GTF2A1: variants seen among roughly 807,000 people sequenced by gnomAD.
GTF2A1 encodes general transcription factor IIA subunit 1.
A neutral mutation model predicts 54.1 loss-of-function variants in GTF2A1; 12 were observed. The ratio of observed to expected loss-of-function variants is 0.22; its 90% CI spans 0.14 to 0.36. The LOEUF is 0.36. GTF2A1 is among the 10% of genes least tolerant of loss of function. The pLI, the probability that GTF2A1 is intolerant of heterozygous loss-of-function variation, is 1.00. For synonymous variants in GTF2A1, 145 were observed against 152.0 expected (o/e 0.95, Z 0.34); for missense variants, 335 against 442.2 (o/e 0.76, Z 2.17).
At position 81,215,761 on chromosome 14, in the gene GTF2A1, C is replaced by A. The variant is rs79881568; in HGVS notation, c.132+652G>T. Among the ~76,000 whole-genome samples, 9 of 152,216 alleles carry A rather than the reference C, an allele frequency of 5.9e-5. No homozygotes were observed. The South Asian group carries it at 1.9e-3, about 32-fold the overall frequency. ...AAAAAAAGATAAGATTAAGGCTGGGCGCTGTGGCTCACACCCATAATCCTA... is the reference window on the plus strand; with the variant it reads ...AAAAAAAGATAAGATTAAGGCTGGGAGCTGTGGCTCACACCCATAATCCTA... On this transcript the variant is annotated intron_variant, in intron 2 of 8. Coordinates refer to ENST00000553612, the MANE Select transcript of GTF2A1 (RefSeq NM_015859.4).
intron 4 of GTF2A1, among the ~76,000 whole-genome samples, chr14:81,199,701 T>C (rs1893062662): frequency 6.6e-6 from 1 of 152,178 alleles, no homozygotes; most frequent in Admixed American, 6.5e-5. Flanking sequence ...AACTGACCTA[T>C]GATTTGTTTA....
At chr14:81,196,429 CAAAT>C (rs1892995184) in intron 5 of GTF2A1, among the ~76,000 whole-genome samples, 188 bp from the exon 6 acceptor site, 1 of 152,190 alleles carries the variant, frequency 6.6e-6, no homozygotes, top group African/African-American at 2.4e-5. Flanking sequence ...TCGCCATGTT[CAAAT>C]ACATTCCTTA....
At chr14:81,220,358 G>T (rs1309458071) in intron 1 of GTF2A1, 131 bp downstream of exon 1, 2 of 327,496 alleles carry the variant, frequency 6.1e-6, no homozygotes, top group African/African-American at 2.2e-5. Flanking sequence ...GGCGGGAAGC[G>T]GCGGCGGCGG....
rs913198545 is a variant in GTF2A1, at chr14:81,176,756, G to A, written c.*3467C>T. 11 of 152,064 alleles carry A rather than the reference G, an allele frequency of 7.2e-5. No homozygotes were observed. Among genetic ancestry groups the A allele is most frequent in the Non-Finnish European group, 1.0e-4 (7 of 67,932 alleles). The allele number at this position is 152,064 out of a possible 1,614,324, so 9.4% of individuals were successfully genotyped here. On this transcript the variant is annotated 3_prime_UTR_variant, in exon 9 of 9. Coordinates refer to ENST00000553612, the MANE Select transcript of GTF2A1 (RefSeq NM_015859.4). ...CTGCTATAGCTGATTCTGACAGGTAGGTGAGAGAAAGACATGAAATAAAAT... is the reference window on the plus strand; with the variant it reads ...CTGCTATAGCTGATTCTGACAGGTAAGTGAGAGAAAGACATGAAATAAAAT...
At chr14:81,201,512 A>C (rs1893110402) in intron 4 of GTF2A1, 82 bp downstream of exon 4, 1 of 751,846 alleles carries the variant, frequency 1.3e-6, no homozygotes. Context: ...TCAAGTAGTT[A>C]ATATAGGACA....
Position 81,192,860 on chromosome 14 carries a change from A to G in GTF2A1, c.613-21T>C, listed in dbSNP as rs372288303. 91 of 1,402,350 alleles carry G rather than the reference A, an allele frequency of 6.5e-5. 1 individual carries two copies. The highest frequency in any genetic ancestry group is 8.3e-5 in the Non-Finnish European group (82 of 993,786). 86.9% of individuals were successfully genotyped at this position (1,402,350 alleles called of 1,614,324 possible). The stretch of plus-strand genomic sequence containing the variant: ...AGCACCTAAAGCAAAAGAAAACCAC[A>G]TAACAGTAACTAGTTAAGAGGATCA... On this transcript the variant is annotated intron_variant, in intron 6 of 8. Transcript: ENST00000553612.
intron 7 of GTF2A1, among the ~76,000 whole-genome samples, chr14:81,187,210 C>T (rs900368215): frequency 6.6e-6 from 1 of 151,962 alleles, no homozygotes; most frequent in Non-Finnish European, 1.5e-5. Flanking sequence ...AAAAAATTAG[C>T]CGGGCATGGT....
chr14:81,215,632 G>A (rs541941866), intron 2 of GTF2A1, among the ~76,000 whole-genome samples: 66 of 152,012 alleles, frequency 4.3e-4, no homozygotes, highest in Non-Finnish European at 8.1e-4. Context: ...CAAAACATTC[G>A]GCCTACATAA....
At chr14:81,204,910 C>T (rs1203371848) in intron 2 of GTF2A1, among the ~76,000 whole-genome samples, 1 of 152,142 alleles carries the variant, frequency 6.6e-6, no homozygotes, top group African/African-American at 2.4e-5. Context: ...GAGCCTTTAC[C>T]TTTTAAGAAA....
In GTF2A1 at chr14:81,179,376, C is replaced by T. The variant is rs1169810040; in HGVS notation, c.*847G>A. On this transcript the variant is annotated 3_prime_UTR_variant, in exon 9 of 9. Transcript: ENST00000553612. ...ACATATATTCATGTGTATACAATTT[C>T]AGCTAGATGGTATGCTTGCAAAATA... 1 of 152,178 alleles carries T rather than the reference C, an allele frequency of 6.6e-6. No individual in the cohort carries two copies. Among genetic ancestry groups the T allele is most frequent in the Non-Finnish European group, 1.5e-5 (1 of 68,032 alleles). The allele number at this position is 152,178 out of a possible 1,614,324, so 9.4% of individuals were successfully genotyped here. A position where few individuals can be genotyped will look rare whatever the true frequency, so the allele number is the denominator to read the frequency against.
At chr14:81,193,172 T>C (rs1465118896) in intron 6 of GTF2A1, among the ~76,000 whole-genome samples, 1 of 151,854 alleles carries the variant, frequency 6.6e-6, no homozygotes, top group Non-Finnish European at 1.5e-5. Context: ...TCTACCTTTT[T>C]TTTTTTTTTT....
At chr14:81,190,291 T>C (rs1405045382) in intron 7 of GTF2A1, among the ~76,000 whole-genome samples, 2 of 145,364 alleles carry the variant, frequency 1.4e-5, no homozygotes, top group African/African-American at 5.1e-5. Context: ...GAGTTCAAAA[T>C]ACAGGAAACA....
rs566101177 is a variant in GTF2A1 at position 81,194,662 on chromosome 14, A to G, written c.612+1446T>C. 2.6e-5 allele frequency among the ~76,000 whole-genome samples: 4 copies of G among 152,370 alleles called. No homozygotes were observed. In the East Asian group the frequency reaches 7.7e-4, roughly 29 times the overall value. On this transcript the variant is annotated intron_variant, in intron 6 of 8. Coordinates refer to ENST00000553612, the MANE Select transcript of GTF2A1 (RefSeq NM_015859.4). ...CATTTTAGTGCCACAGCACAAGAAT[A>G]TAACACAAGTAGATCCAAGTGTTTA...
chr14:81,184,601 ACGGCTACTTAT>A (rs1892703034), intron 8 of GTF2A1, among the ~76,000 whole-genome samples: 1 of 152,166 alleles, frequency 6.6e-6, no homozygotes, highest in Admixed American at 6.5e-5. Context: ...TGAAGTAAGC[ACGGCTACTTAT>A]CACATTCATT....
In GTF2A1 at chr14:81,211,455, C is replaced by T. The variant is rs373979721; in HGVS notation, c.132+4958G>A. Among the ~76,000 whole-genome samples, 22 of 152,286 alleles carry T rather than the reference C, an allele frequency of 1.4e-4. No individual in the cohort carries two copies. In the South Asian group the frequency reaches 4.6e-3, roughly 32 times the overall value. On this transcript the variant is annotated intron_variant, in intron 2 of 8. Transcript: ENST00000553612. ...CAAAAGGGCTAGGTTCATGGCTCTACCATTTATTAGCTAAACGACCTTGTC... is the reference window on the plus strand; with the variant it reads ...CAAAAGGGCTAGGTTCATGGCTCTATCATTTATTAGCTAAACGACCTTGTC...
intron 2 of GTF2A1, 138 bp from the exon 3 acceptor site, chr14:81,204,242 T>A: frequency 1.3e-6 from 1 of 789,880 alleles, no homozygotes; most frequent in Non-Finnish European, 2.3e-6. Flanking sequence ...AATCTGTAAT[T>A]CTAACCCAAG....
chr14:81,178,006 T>C lies in GTF2A1; in HGVS notation c.*2217A>G, dbSNP rs1302217534. 6.6e-6 allele frequency: 1 copy of C among 152,104 alleles called. No homozygotes were observed. Among genetic ancestry groups the C allele is most frequent in the Non-Finnish European group, 1.5e-5 (1 of 67,966 alleles). 9.4% of individuals were successfully genotyped at this position (152,104 alleles called of 1,614,324 possible). A position where few individuals can be genotyped will look rare whatever the true frequency, so the allele number is the denominator to read the frequency against. ...TGCAATACGCAGGTGCAAATACAAATGGTTATTTCCTGCTTCAAAAATAAC... is the reference window on the plus strand; with the variant it reads ...TGCAATACGCAGGTGCAAATACAAACGGTTATTTCCTGCTTCAAAAATAAC... On this transcript the variant is annotated 3_prime_UTR_variant, in exon 9 of 9. Transcript: ENST00000553612.
At chr14:81,207,711 G>C (rs1893271251) in intron 2 of GTF2A1, among the ~76,000 whole-genome samples, 1 of 152,204 alleles carries the variant, frequency 6.6e-6, no homozygotes, top group Non-Finnish European at 1.5e-5. Flanking sequence ...ATAGTGATAT[G>C]AACAATAAGG....
At chr14:81,195,106 C>T (rs1163284312) in intron 6 of GTF2A1, among the ~76,000 whole-genome samples, 3 of 146,930 alleles carry the variant, frequency 2.0e-5, no homozygotes, top group East Asian at 4.0e-4. Flanking sequence ...CGCCATTGCA[C>T]TCCACCCTAG....
Sources: gnomAD v4.1 joint callset for allele counts (sites outside exome capture counted in the v4.1 genomes callset) on GRCh38, gnomAD v4.1.1 for gene constraint, MANE v1.5 for transcripts, NCBI Gene and HGNC (gene_info 2026-07-23, HGNC 2026-07-21) for gene names.